TADA2A: variants seen among roughly 807,000 people sequenced by gnomAD.
TADA2A encodes transcriptional adapter 2-alpha.
In TADA2A, 38 loss-of-function variants were observed where a neutral mutation model predicts 67.4. The observed-to-expected ratio is 0.56, with a 90% CI of 0.44 to 0.74. The LOEUF is 0.74. Among genes scored for constraint, TADA2A ranks in the 30% least tolerant of loss-of-function variants. The probability of loss-of-function intolerance (pLI) is 0.00; values close to 1 mark genes in which losing one functional copy is unlikely to be tolerated. For missense variants in TADA2A, 454 were observed against 547.0 expected, an observed-to-expected ratio of 0.83 and a Z score of 1.70; for synonymous variants, 192 against 181.6, an observed-to-expected ratio of 1.06 and a Z score of -0.46.
intron 9 of TADA2A, among the ~76,000 whole-genome samples, chr17:37,459,828 G>T (rs369563037): frequency 4.0e-5 from 6 of 151,826 alleles, no homozygotes; most frequent in East Asian, 4.0e-4. Context: ...CACTTTGGGA[G>T]GCCGAGGCTG....
chr17:37,420,158 A>G (rs2052187615), intron 2 of TADA2A, among the ~76,000 whole-genome samples: 1 of 146,518 alleles, frequency 6.8e-6, no homozygotes, highest in South Asian at 2.2e-4. Flanking sequence ...CTTAATATAC[A>G]ATAATTTTTG....
intron 8 of TADA2A, among the ~76,000 whole-genome samples, chr17:37,449,461 G>T (rs984999924): frequency 1.3e-5 from 2 of 152,076 alleles, no homozygotes; most frequent in African/African-American, 4.8e-5. Context: ...AACCTTATGA[G>T]TTGCATATTA....
intron 8 of TADA2A, among the ~76,000 whole-genome samples, chr17:37,447,251 T>G (rs1477779191): frequency 6.6e-6 from 1 of 152,176 alleles, no homozygotes; most frequent in Non-Finnish European, 1.5e-5. Flanking sequence ...AACTTCTGCC[T>G]CCCAGGCTCA....
At chr17:37,474,975 C>T (rs2107105) in intron 15 of TADA2A, among the ~76,000 whole-genome samples, 110,018 of 152,024 alleles carry the variant, frequency 0.72, 40,427 homozygotes, top group East Asian at 0.97. Context: ...AAAGTAACTT[C>T]TACATGAAAA....
intron 8 of TADA2A, among the ~76,000 whole-genome samples, chr17:37,449,756 A>C (rs746272413): frequency 1.3e-5 from 2 of 151,604 alleles, no homozygotes; most frequent in Non-Finnish European, 2.9e-5. Flanking sequence ...AGTAGCTGGG[A>C]CTCCAGGCGT....
At chr17:37,417,918 A>G (rs1461140440) in intron 2 of TADA2A, among the ~76,000 whole-genome samples, 2 of 152,176 alleles carry the variant, frequency 1.3e-5, no homozygotes, top group Non-Finnish European at 2.9e-5. Flanking sequence ...ATGGTAAAAC[A>G]ATGCAATTTA....
chr17:37,422,115 G>A lies in TADA2A; in HGVS notation c.26-1394G>A, dbSNP rs564942050. Among the ~76,000 whole-genome samples, 40 of 144,810 alleles carry A rather than the reference G, an allele frequency of 2.8e-4. 3 individuals are homozygous for A. Among genetic ancestry groups the A allele is most frequent in the Non-Finnish European group, 5.5e-4 (36 of 65,110 alleles). On this transcript the variant is annotated intron_variant, in intron 2 of 15. Coordinates refer to ENST00000615182, the MANE Select transcript of TADA2A (RefSeq NM_001166105.3). ...GGCTGGAGTGCAGCGGCGCGATCTC[G>A]GCTCACTGCAACCTGTGCCTTCTGG...
chr17:37,471,035 C>G (rs931143549), intron 13 of TADA2A, 59 bp from the exon 14 acceptor site: 12 of 1,588,010 alleles, frequency 7.6e-6, no homozygotes, highest in Non-Finnish European at 9.5e-6. Context: ...CTCACCGGGG[C>G]TTTTGGAAAT....
chr17:37,412,929 C>T (rs1020376698), intron 2 of TADA2A, among the ~76,000 whole-genome samples: 2 of 151,924 alleles, frequency 1.3e-5, no homozygotes, highest in Non-Finnish European at 2.9e-5. Context: ...TCCTCTTCAA[C>T]AATTCGTGTT....
intron 10 of TADA2A, 81 bp from the exon 11 acceptor site, chr17:37,465,350 A>C: frequency 9.4e-7 from 1 of 1,063,348 alleles, no homozygotes; most frequent in Non-Finnish European, 1.4e-6. Flanking sequence ...CCATTTTACT[A>C]ATTGTAAAAA....
chr17:37,446,415 T>A (rs934646296), intron 8 of TADA2A, among the ~76,000 whole-genome samples: 2 of 152,086 alleles, frequency 1.3e-5, no homozygotes, highest in African/African-American at 4.8e-5. Context: ...GCCAGACTAC[T>A]CTGCACAAAA....
At chr17:37,420,497 A>G (rs1299740201) in intron 2 of TADA2A, among the ~76,000 whole-genome samples, 1 of 144,158 alleles carries the variant, frequency 6.9e-6, no homozygotes, top group African/African-American at 2.5e-5. Flanking sequence ...GGTTCAAACA[A>G]TTCTCCTGCC....
At chr17:37,435,033 G>A (rs1384689958) in intron 4 of TADA2A, among the ~76,000 whole-genome samples, 1 of 152,132 alleles carries the variant, frequency 6.6e-6, no homozygotes, top group African/African-American at 2.4e-5. Context: ...GATCACCTGA[G>A]GTCGGGAGTT....
chr17:37,418,596 C>CTT (rs946056076), intron 2 of TADA2A, among the ~76,000 whole-genome samples: 1 of 145,064 alleles, frequency 6.9e-6, no homozygotes, highest in Non-Finnish European at 1.5e-5. Context: ...TTTTCTTTTT[C>CTT]TTTTTTTTTT....
chr17:37,473,924 T>A (rs1164594030), intron 14 of TADA2A, among the ~76,000 whole-genome samples: 1 of 152,258 alleles, frequency 6.6e-6, no homozygotes, highest in Non-Finnish European at 1.5e-5. Flanking sequence ...ATTACCATGT[T>A]TGCCTTGTAC....
At chr17:37,453,999 C>T (rs973169518) in intron 8 of TADA2A, among the ~76,000 whole-genome samples, 1 of 151,572 alleles carries the variant, frequency 6.6e-6, no homozygotes, top group Non-Finnish European at 1.5e-5. Flanking sequence ...TCTTGAACTC[C>T]TTGACCTCAG....
intron 14 of TADA2A, among the ~76,000 whole-genome samples, chr17:37,472,827 A>G (rs1189499215): frequency 6.6e-6 from 1 of 152,152 alleles, no homozygotes; most frequent in Non-Finnish European, 1.5e-5. Flanking sequence ...GCACCATTGC[A>G]CTCCAGCCTG....
chr17:37,419,879 G>T (rs1416690526), intron 2 of TADA2A, among the ~76,000 whole-genome samples: 1 of 145,086 alleles, frequency 6.9e-6, no homozygotes, highest in Non-Finnish European at 1.5e-5. Flanking sequence ...GCCAGTCGTG[G>T]TGGTGTGCAC....
chr17:37,430,739 G>GT (rs2052544261), intron 4 of TADA2A, among the ~76,000 whole-genome samples: 1 of 152,162 alleles, frequency 6.6e-6, no homozygotes, highest in Non-Finnish European at 1.5e-5. Flanking sequence ...AAACTGCCTT[G>GT]TGCCTTCTTT....
Sources: gnomAD v4.1 joint callset for allele counts (sites outside exome capture counted in the v4.1 genomes callset) on GRCh38, gnomAD v4.1.1 for gene constraint, MANE v1.5 for transcripts, NCBI Gene and HGNC (gene_info 2026-07-23, HGNC 2026-07-21) for gene names.